The following OBI1 variants were observed in gnomAD, a reference collection of about 807,000 sequenced individuals.
OBI1 encodes the protein ring finger protein 219.
Under a neutral mutation model 62.4 loss-of-function variants are expected in OBI1, and 59 were observed. That is an observed-to-expected ratio of 0.95 (90% CI 0.77 to 1.17). The LOEUF (loss-of-function observed/expected upper bound fraction) is 1.17, where lower values mean the gene tolerates loss of function less well. OBI1 is among the 50% of genes most tolerant of loss of function. The pLI is 0.00. For missense variants in OBI1, 875 were observed against 830.9 expected (o/e 1.05, Z -0.65); for synonymous variants, 302 against 292.8 (o/e 1.03, Z -0.32).
chr13:78,646,964 G>A (rs142990707), intron 1 of OBI1, among the ~76,000 whole-genome samples: 1 of 152,186 alleles, frequency 6.6e-6, no homozygotes, highest in East Asian at 1.9e-4. Flanking sequence ...GTGTTGCATG[G>A]AATCAAGATT....
intron 1 of OBI1, 113 bp downstream of exon 1, chr13:78,658,936 C>G: frequency 1.2e-6 from 1 of 854,906 alleles, no homozygotes; most frequent in Non-Finnish European, 1.9e-6. Flanking sequence ...TTAGCGTTTT[C>G]TCCCATCTCC....
Position 78,615,920 on chromosome 13 carries a change from A to AG in OBI1, c.1840dup (p.Leu614ProfsTer6), listed in dbSNP as rs1436237062. 6.2e-7 allele frequency: 1 copy of AG among 1,613,878 alleles called. No homozygotes were observed. The highest frequency in any genetic ancestry group is 1.7e-5 in the Admixed American group (1 of 59,954). Reference sequence around the variant, plus strand: ...CATTTCTTGGTCAGATGGAGAGAGGAGAAAAAAAGAAGTGGGTTTCCATTC... The same window carrying AG: ...CATTTCTTGGTCAGATGGAGAGAGGAGGAAAAAAAGAAGTGGGTTTCCATTC... On this transcript the variant is annotated frameshift_variant, in exon 6 of 6. Coordinates refer to ENST00000282003, the MANE Select transcript of OBI1 (RefSeq NM_024546.4). LOFTEE classifies it high-confidence loss of function.
In OBI1 at chr13:78,658,791, G is replaced by T. The variant is rs142148260; in HGVS notation, c.72+258C>A. ...TGCCAGTGTGAGGCCGCGGGCGGTG[G>T]CAGGGCCGTCTCGCCGCCCTCCCGG... On this transcript the variant is annotated intron_variant, in intron 1 of 5. Transcript: ENST00000282003. 3.9e-5 allele frequency among the ~76,000 whole-genome samples: 6 copies of T among 152,288 alleles called. No individual in the cohort carries two copies. In the East Asian group the frequency reaches 1.2e-3, roughly 30 times the overall value.
At chr13:78,650,428 C>A (rs772814621) in intron 1 of OBI1, among the ~76,000 whole-genome samples, 6 of 152,160 alleles carry the variant, frequency 3.9e-5, no homozygotes, top group Non-Finnish European at 5.9e-5. Context: ...TCTGGGCCAT[C>A]TTATCTGATG....
At chr13:78,648,564 T>G (rs1477925200) in intron 1 of OBI1, among the ~76,000 whole-genome samples, 2 of 151,502 alleles carry the variant, frequency 1.3e-5, no homozygotes, top group African/African-American at 4.9e-5. Flanking sequence ...GCGTGCACAT[T>G]ATATGAGAGG....
chr13:78,630,274 C>G (rs908951486), intron 5 of OBI1, among the ~76,000 whole-genome samples: 1 of 151,964 alleles, frequency 6.6e-6, no homozygotes, highest in Non-Finnish European at 1.5e-5. Context: ...GGTTTTTTTC[C>G]TTAATATAAA....
intron 5 of OBI1, chr13:78,620,606 C>G (rs193199686): frequency 2.3e-5 from 10 of 436,852 alleles, no homozygotes; most frequent in Non-Finnish European, 4.1e-5. Flanking sequence ...CTGATACATA[C>G]ATTCTGGATG....
intron 5 of OBI1, among the ~76,000 whole-genome samples, chr13:78,627,052 C>T (rs902088217): frequency 2.6e-5 from 4 of 151,814 alleles, no homozygotes; most frequent in African/African-American, 9.7e-5. Flanking sequence ...GGCGACAGCA[C>T]AGGAAAGAAA....
chr13:78,625,740 C>T (rs1593788221), intron 5 of OBI1, among the ~76,000 whole-genome samples: 1 of 152,310 alleles, frequency 6.6e-6, no homozygotes, highest in East Asian at 1.9e-4. Context: ...CACAGTCTGG[C>T]CCCAGGGTAT....
At position 78,620,018 on chromosome 13, in the gene OBI1, C is replaced by T. The variant is rs539482593; in HGVS notation, c.639-2896G>A. Among the ~76,000 whole-genome samples, 26 of 152,320 alleles carry T rather than the reference C, an allele frequency of 1.7e-4. 1 individual carries two copies. The South Asian group carries it at 3.5e-3, about 21-fold the overall frequency. On this transcript the variant is annotated intron_variant, in intron 5 of 5. Transcript: ENST00000282003. ...CACCCAGGAAAGCAACAGAGACTGA[C>T]ATATGTACAGTACAGCCTTTTTTGC...
chr13:78,656,026 T>C (rs1187442691), intron 1 of OBI1, among the ~76,000 whole-genome samples: 3 of 152,186 alleles, frequency 2.0e-5, no homozygotes, highest in Non-Finnish European at 4.4e-5. Flanking sequence ...TCTCATTTGG[T>C]TGGGAATGCA....
intron 5 of OBI1, among the ~76,000 whole-genome samples, chr13:78,620,378 T>A (rs1265743832): frequency 6.6e-6 from 1 of 152,196 alleles, no homozygotes; most frequent in Admixed American, 6.5e-5. Flanking sequence ...TTTACCATAC[T>A]TCCTCCTTTT....
At chr13:78,632,871 GGAACCA>G (rs1450182273) in intron 5 of OBI1, among the ~76,000 whole-genome samples, 2 of 152,138 alleles carry the variant, frequency 1.3e-5, no homozygotes, top group Admixed American at 6.5e-5. Context: ...TCCCCTGAAG[GGAACCA>G]ATGGAAGTTA....
chr13:78,652,223 T>C (rs1876564411), intron 1 of OBI1, among the ~76,000 whole-genome samples: 1 of 152,222 alleles, frequency 6.6e-6, no homozygotes. Context: ...AATGAATTTA[T>C]CTTACGAGAA....
chr13:78,616,022 G>T lies in OBI1; in HGVS notation c.1739C>A (p.Pro580His). 1 of 1,614,120 alleles carries T rather than the reference G, an allele frequency of 6.2e-7. No homozygotes were observed. Among genetic ancestry groups the T allele is most frequent in the Middle Eastern group, 1.6e-4 (1 of 6,062 alleles). ...SSQGSEFLEE[P>H]DKLEEKTELN... ...CTCAGTTTTTTCTTCCAACTTATCA[G>T]GTTCCTCAAGAAATTCACTGCCTTG... Residue 580 changes from proline (P) to histidine (H), a missense_variant, in exon 6 of 6, where the codon CCT becomes CAT. Transcript: ENST00000282003.
chr13:78,654,390 T>C (rs371499446), intron 1 of OBI1, among the ~76,000 whole-genome samples: 1 of 152,062 alleles, frequency 6.6e-6, no homozygotes, highest in African/African-American at 2.4e-5. Flanking sequence ...TCAAAGCAAA[T>C]TACTTATGAC....
intron 5 of OBI1, among the ~76,000 whole-genome samples, chr13:78,623,157 A>G (rs150122929): frequency 1.5e-3 from 230 of 152,210 alleles, no homozygotes; most frequent in African/African-American, 5.4e-3. Flanking sequence ...CAGTTACAAA[A>G]TTGCTACATT....
intron 2 of OBI1, among the ~76,000 whole-genome samples, chr13:78,643,587 G>A (rs999960995): frequency 1.3e-5 from 2 of 152,106 alleles, no homozygotes; most frequent in East Asian, 1.9e-4. Flanking sequence ...TCGGGAGTTC[G>A]AGACCAGCCT....
intron 5 of OBI1, among the ~76,000 whole-genome samples, chr13:78,626,333 T>TAC (rs1205954942): frequency 3.9e-5 from 6 of 152,182 alleles, no homozygotes; most frequent in African/African-American, 1.2e-4. Context: ...AAAAGGAAGA[T>TAC]ACACACACAT....
Sources: allele counts gnomAD v4.1 joint callset (sites outside exome capture counted in the v4.1 genomes callset), GRCh38; gene constraint gnomAD v4.1.1; transcripts MANE v1.5; gene names NCBI Gene and HGNC (gene_info 2026-07-23, HGNC 2026-07-21).